PRKAG2: variants seen among roughly 807,000 people sequenced by gnomAD.
The protein encoded by PRKAG2 is 5'-AMP-activated protein kinase subunit gamma-2.
A neutral mutation model predicts 69.6 loss-of-function variants in PRKAG2; 26 were observed. That is an observed-to-expected ratio of 0.37 (90% CI 0.27 to 0.52). PRKAG2 has a LOEUF of 0.52. PRKAG2 is among the 20% of genes least tolerant of loss of function. PRKAG2 has a pLI of 0.90. For synonymous variants in PRKAG2, 293 were observed against 285.0 expected, an observed-to-expected ratio of 1.03 and a Z score of -0.28; for missense variants, 557 against 740.0, an observed-to-expected ratio of 0.75 and a Z score of 2.87.
At chr7:151,668,469 GTCC>G (rs1489277028) in intron 4 of PRKAG2, among the ~76,000 whole-genome samples, 1 of 152,232 alleles carries the variant, frequency 6.6e-6, no homozygotes, top group Non-Finnish European at 1.5e-5. Context: ...TATAGAATAT[GTCC>G]TCGATTCATT....
At chr7:151,647,385 G>T (rs1827749640) in intron 4 of PRKAG2, among the ~76,000 whole-genome samples, 2 of 152,198 alleles carry the variant, frequency 1.3e-5, no homozygotes, top group South Asian at 4.1e-4. Flanking sequence ...CCCTCAGAAG[G>T]TTATATTCTA....
intron 3 of PRKAG2, among the ~76,000 whole-genome samples, chr7:151,778,783 C>T (rs2076526288): frequency 6.6e-6 from 1 of 152,198 alleles, no homozygotes; most frequent in South Asian, 2.1e-4. Flanking sequence ...AAGCTAGTCT[C>T]AAAAAATTGG....
intron 5 of PRKAG2, among the ~76,000 whole-genome samples, chr7:151,610,348 G>A (rs777762915): frequency 4.6e-5 from 7 of 152,008 alleles, no homozygotes; most frequent in East Asian, 1.9e-4. Context: ...CAGCCTGGGC[G>A]ACAGAGCGAG....
At position 151,855,110 on chromosome 7, in the gene PRKAG2, C is replaced by T. The variant is rs35150791; in HGVS notation, c.114+21397G>A. 2.3e-4 allele frequency among the ~76,000 whole-genome samples: 12 copies of T among 52,856 alleles called. 2 individuals are homozygous for T. Among genetic ancestry groups the T allele is most frequent in the South Asian group, 1.1e-3 (2 of 1,744 alleles). The allele number at this position is 52,856 out of a possible 152,430, so 34.7% of individuals were successfully genotyped here. On this transcript the variant is annotated intron_variant, in intron 1 of 15. Coordinates refer to ENST00000287878, the MANE Select transcript of PRKAG2 (RefSeq NM_016203.4). ...CACACACCATCCTCCACACACACCA[C>T]CCTACACACACACCATCCTCCACAC...
intron 1 of PRKAG2, among the ~76,000 whole-genome samples, chr7:151,805,290 G>A (rs1008598968): frequency 1.3e-5 from 2 of 152,158 alleles, no homozygotes; most frequent in African/African-American, 2.4e-5. Context: ...AGCCAGCCAC[G>A]TGGAGAGGCT....
intron 2 of PRKAG2, among the ~76,000 whole-genome samples, chr7:151,783,626 A>C (rs1347897363): frequency 6.6e-6 from 1 of 152,126 alleles, no homozygotes; most frequent in African/African-American, 2.4e-5. Context: ...ATTTACAAAC[A>C]AGAGAGTCTT....
rs1249156484 is a variant in PRKAG2 at position 151,638,307 on chromosome 7, C to A, written c.685-6169G>T. Reference sequence around the variant, plus strand: ...GAGAGAATGCCTGAGAAACATGGAGCCATCACAAGTGTGACTTCTTGGTTG... The same window carrying A: ...GAGAGAATGCCTGAGAAACATGGAGACATCACAAGTGTGACTTCTTGGTTG... On this transcript the variant is annotated intron_variant, in intron 4 of 15. Transcript: ENST00000287878. The surrounding 1 kb of genome is among the most constrained non-coding windows in gnomAD (Gnocchi z 4.3). Among the ~76,000 whole-genome samples the A allele has an allele frequency of 6.6e-6, 1 of 152,150 alleles. No individual in the cohort carries two copies. The highest frequency in any genetic ancestry group is 1.5e-5 in the Non-Finnish European group (1 of 68,040).
chr7:151,574,424 C>T (rs1286887419), intron 8 of PRKAG2, among the ~76,000 whole-genome samples: 2 of 152,162 alleles, frequency 1.3e-5, no homozygotes, highest in African/African-American at 2.4e-5. Context: ...TCCTAATTAG[C>T]AGGAACATGT....
At chr7:151,760,313 T>C (rs770168297) in intron 3 of PRKAG2, among the ~76,000 whole-genome samples, 4 of 152,206 alleles carry the variant, frequency 2.6e-5, no homozygotes, top group Non-Finnish European at 5.9e-5. Context: ...CTCGGCTCAC[T>C]GCAACCTCTG....
intron 1 of PRKAG2, among the ~76,000 whole-genome samples, chr7:151,792,250 C>A (rs1390647676): frequency 6.6e-6 from 1 of 152,222 alleles, no homozygotes; most frequent in Non-Finnish European, 1.5e-5. Context: ...ACCATACTAA[C>A]TTTCTCTTCA....
chr7:151,588,743 C>T (rs1563199072), intron 6 of PRKAG2, among the ~76,000 whole-genome samples: 2 of 152,168 alleles, frequency 1.3e-5, no homozygotes, highest in African/African-American at 4.8e-5. Context: ...CTTGCTTCTC[C>T]TTGCCTTCCA....
At chr7:151,570,794 G>A (rs1049621903) in intron 9 of PRKAG2, among the ~76,000 whole-genome samples, 1 of 151,874 alleles carries the variant, frequency 6.6e-6, no homozygotes, top group East Asian at 1.9e-4. Flanking sequence ...TTCTGAGACA[G>A]TCTCACTCTG....
At chr7:151,611,037 G>T (rs1014181138) in intron 5 of PRKAG2, among the ~76,000 whole-genome samples, 1 of 152,092 alleles carries the variant, frequency 6.6e-6, no homozygotes, top group Non-Finnish European at 1.5e-5. Flanking sequence ...TTACAGGCGT[G>T]AGCCACCACA....
Position 151,556,844 on chromosome 7 carries a change from A to G in PRKAG2, c.*357T>C, listed in dbSNP as rs1397131533. The G allele has an allele frequency of 3.5e-6, 1 of 286,630 alleles. No individual in the cohort carries two copies. The highest frequency in any genetic ancestry group is 2.2e-5 in the African/African-American group (1 of 45,312). 17.8% of individuals were successfully genotyped at this position (286,630 alleles called of 1,614,324 possible). A position where few individuals can be genotyped will look rare whatever the true frequency, so the allele number is the denominator to read the frequency against. ...TGACATATTGCTGTATTCGGACATA[A>G]GGCACTGTGATCTGAACATACCGTG... is the stretch of plus-strand genomic sequence containing the variant. On this transcript the variant is annotated 3_prime_UTR_variant, in exon 16 of 16. Transcript: ENST00000287878.
chr7:151,670,714 T>G (rs1831881920), intron 4 of PRKAG2, among the ~76,000 whole-genome samples: 1 of 152,224 alleles, frequency 6.6e-6, no homozygotes, highest in South Asian at 2.1e-4. Flanking sequence ...CACTGACACC[T>G]TCCTATGCAT....
chr7:151,650,200 G>A (rs899424347), intron 4 of PRKAG2, among the ~76,000 whole-genome samples: 2 of 151,996 alleles, frequency 1.3e-5, no homozygotes, highest in African/African-American at 4.8e-5. Flanking sequence ...GAGTGACAGA[G>A]TGAGAGAGCC....
intron 3 of PRKAG2, among the ~76,000 whole-genome samples, chr7:151,716,919 G>A (rs985470394): frequency 6.6e-6 from 1 of 152,132 alleles, no homozygotes; most frequent in East Asian, 1.9e-4. Context: ...GAGCAGTGGC[G>A]ACTTGCCCCA....
At chr7:151,715,893 G>A (rs1178250290) in intron 3 of PRKAG2, among the ~76,000 whole-genome samples, 5 of 152,196 alleles carry the variant, frequency 3.3e-5, no homozygotes, top group South Asian at 2.1e-4. Flanking sequence ...CTCACAGGGC[G>A]GCGGTCCCAT....
At chr7:151,827,687 A>G (rs1440254008) in intron 1 of PRKAG2, among the ~76,000 whole-genome samples, 1 of 138,888 alleles carries the variant, frequency 7.2e-6, no homozygotes, top group African/African-American at 2.7e-5. Flanking sequence ...GGTCCTGGGT[A>G]GAGGCACAGC....
Sources: allele counts gnomAD v4.1 joint callset (sites outside exome capture counted in the v4.1 genomes callset), GRCh38; gene constraint gnomAD v4.1.1; non-coding constraint Gnocchi (gnomAD v3.1); transcripts MANE v1.5; gene names NCBI Gene and HGNC (gene_info 2026-07-23, HGNC 2026-07-21).